The following ADGRA3 variants were observed in gnomAD, a reference collection of about 807,000 sequenced individuals.
The protein encoded by ADGRA3 is adhesion G protein-coupled receptor A3.
ADGRA3 carries 56 observed loss-of-function variants against 119.8 expected under a neutral mutation model. The ratio of observed to expected loss-of-function variants is 0.47; its 90% CI spans 0.38 to 0.58. ADGRA3 has a LOEUF of 0.58. ADGRA3 is among the 20% of genes least tolerant of loss of function. The pLI is 0.00. For missense variants in ADGRA3, 1,516 were observed against 1,649.0 expected (o/e 0.92, Z 1.40); for synonymous variants, 607 against 623.8 (o/e 0.97, Z 0.40).
At chr4:22,414,718 T>C (rs570503965) in intron 12 of ADGRA3, 1 of 627,722 alleles carries the variant, frequency 1.6e-6, no homozygotes, top group South Asian at 1.9e-5. Context: ...TGAAAATCTA[T>C]TGCTCAGATG....
chr4:22,435,827 T>C (rs569213781), intron 9 of ADGRA3, among the ~76,000 whole-genome samples: 14 of 152,314 alleles, frequency 9.2e-5, no homozygotes, highest in Admixed American at 3.9e-4. Context: ...ATACCTCCCT[T>C]GGAGCTCCTA....
chr4:22,388,225 T>C lies in ADGRA3; in HGVS notation c.3446A>G (p.Asn1149Ser), dbSNP rs1321264210. ...AGGCGCCACGTGCATTTTAATATCATTGTCCATTGAATGTTCTGTCAGACT... is the reference window on the plus strand; with the variant it reads ...AGGCGCCACGTGCATTTTAATATCACTGTCCATTGAATGTTCTGTCAGACT... ...DNSLTEHSMDNDIKMHVAPLE... is the reference protein window; with the variant it reads ...DNSLTEHSMDSDIKMHVAPLE... Residue 1149 changes from asparagine (N) to serine (S), a missense_variant, in exon 19 of 19, where the codon AAT becomes AGT. Coordinates refer to ENST00000334304, the MANE Select transcript of ADGRA3 (RefSeq NM_145290.4). 7 of 1,614,104 alleles carry C rather than the reference T, an allele frequency of 4.3e-6. No homozygotes were observed. Among genetic ancestry groups the C allele is most frequent in the South Asian group, 2.2e-5 (2 of 91,082 alleles).
chr4:22,442,384 A>C (rs962586741), intron 7 of ADGRA3, among the ~76,000 whole-genome samples: 3 of 152,146 alleles, frequency 2.0e-5, no homozygotes, highest in African/African-American at 7.2e-5. Flanking sequence ...CTAAAAGTTT[A>C]CATTTTTCCT....
intron 3 of ADGRA3, among the ~76,000 whole-genome samples, chr4:22,456,006 T>C (rs370275147): frequency 6.6e-6 from 1 of 152,188 alleles, no homozygotes; most frequent in Non-Finnish European, 1.5e-5. Context: ...GCCTCCAATG[T>C]CCCTATTATT....
chr4:22,428,724 T>C (rs942127230), intron 10 of ADGRA3, among the ~76,000 whole-genome samples: 2 of 152,218 alleles, frequency 1.3e-5, no homozygotes, highest in Admixed American at 6.5e-5. Context: ...AACTGCTGCA[T>C]TCTGAAAGTC....
chr4:22,422,492 A>T lies in ADGRA3; in HGVS notation c.1606-1403T>A, dbSNP rs1035656659. Reference sequence around the variant, plus strand: ...TTATTTGTTAATAATGTGTATTCTAATTTTTTGCTAGTCAAAGACACATGT... The same window carrying T: ...TTATTTGTTAATAATGTGTATTCTATTTTTTTGCTAGTCAAAGACACATGT... On this transcript the variant is annotated intron_variant, in intron 11 of 18. Transcript: ENST00000334304. 4.6e-5 allele frequency among the ~76,000 whole-genome samples: 7 copies of T among 152,166 alleles called. 1 individual carries two copies. The highest frequency in any genetic ancestry group is 3.9e-4 in the Admixed American group (6 of 15,280).
intron 2 of ADGRA3, among the ~76,000 whole-genome samples, chr4:22,467,908 C>A (rs1166045605): frequency 6.6e-6 from 1 of 152,124 alleles, no homozygotes; most frequent in Non-Finnish European, 1.5e-5. Context: ...ATTTTAAGTT[C>A]TTGGTAAAAG....
intron 1 of ADGRA3, chr4:22,515,261 G>A: frequency 3.4e-6 from 1 of 294,090 alleles, no homozygotes; most frequent in Non-Finnish European, 6.3e-6. Flanking sequence ...CAAAAGCGCT[G>A]CGCCGGGGAC....
chr4:22,489,613 T>C (rs150881595), intron 1 of ADGRA3, among the ~76,000 whole-genome samples: 96 of 152,300 alleles, frequency 6.3e-4, no homozygotes, highest in African/African-American at 2.2e-3. Context: ...AAAAGATGCA[T>C]AGCTGGACAC....
intron 1 of ADGRA3, among the ~76,000 whole-genome samples, chr4:22,504,768 T>C (rs1314929099): frequency 6.6e-6 from 1 of 151,850 alleles, no homozygotes. Context: ...TGACAGATGG[T>C]GACTAGGATT....
chr4:22,432,531 G>C (rs1716226840), intron 10 of ADGRA3, among the ~76,000 whole-genome samples: 2 of 152,130 alleles, frequency 1.3e-5, no homozygotes, highest in South Asian at 2.1e-4. Context: ...ATATAAACTA[G>C]TGTAAGGCGC....
At chr4:22,431,156 G>A (rs889920702) in intron 10 of ADGRA3, among the ~76,000 whole-genome samples, 4 of 152,138 alleles carry the variant, frequency 2.6e-5, no homozygotes, top group East Asian at 1.9e-4. Flanking sequence ...GGGTCAGAGC[G>A]CCCACACAGA....
intron 1 of ADGRA3, among the ~76,000 whole-genome samples, chr4:22,494,265 G>A (rs1011582844): frequency 2.6e-5 from 4 of 151,288 alleles, no homozygotes; most frequent in East Asian, 1.9e-4. Flanking sequence ...TCCCACCAGC[G>A]CCATGACAGT....
At chr4:22,486,143 G>C (rs1174473082) in intron 1 of ADGRA3, among the ~76,000 whole-genome samples, 1 of 151,986 alleles carries the variant, frequency 6.6e-6, no homozygotes, top group Non-Finnish European at 1.5e-5. Context: ...ATGCTTCCGG[G>C]GTCTCTGGAG....
At chr4:22,400,791 A>G (rs1714602543) in intron 16 of ADGRA3, among the ~76,000 whole-genome samples, 1 of 152,204 alleles carries the variant, frequency 6.6e-6, no homozygotes, top group South Asian at 2.1e-4. Context: ...GTGAAATCCA[A>G]ATCCAGGCAG....
intron 16 of ADGRA3, chr4:22,393,459 T>C (rs1714219535): frequency 6.6e-6 from 1 of 152,204 alleles, no homozygotes; most frequent in African/African-American, 2.4e-5. Context: ...AGAGCTTTTA[T>C]ACACTGTAAC....
intron 1 of ADGRA3, among the ~76,000 whole-genome samples, chr4:22,475,474 T>A (rs1394049760): frequency 1.3e-5 from 2 of 152,082 alleles, no homozygotes; most frequent in African/African-American, 4.8e-5. Flanking sequence ...GGCTCACGGT[T>A]CCCAGCACTT....
Position 22,499,007 on chromosome 4 carries a change from G to A in ADGRA3, c.257+16521C>T, listed in dbSNP as rs189541769. On this transcript the variant is annotated intron_variant, in intron 1 of 18. Coordinates refer to ENST00000334304, the MANE Select transcript of ADGRA3 (RefSeq NM_145290.4). ...ACAGGCATTAGCCCTAGGGGAAAGA[G>A]GGCAGGTCTCAGCTTGTAAGTGAGG... Among the ~76,000 whole-genome samples the A allele has an allele frequency of 2.3e-3, 352 of 152,298 alleles. 1 individual carries two copies. The highest frequency in any genetic ancestry group is 6.8e-3 in the Middle Eastern group (2 of 294).
intron 11 of ADGRA3, among the ~76,000 whole-genome samples, chr4:22,422,743 C>T (rs1715757681): frequency 6.6e-6 from 1 of 152,084 alleles, no homozygotes; most frequent in Non-Finnish European, 1.5e-5. Context: ...GAATGCAGTT[C>T]AGAGAAAGGG....
Sources: allele counts gnomAD v4.1 joint callset (sites outside exome capture counted in the v4.1 genomes callset), GRCh38; gene constraint gnomAD v4.1.1; transcripts MANE v1.5; gene names NCBI Gene and HGNC (gene_info 2026-07-23, HGNC 2026-07-21).